Variants in MMP16 observed in about 807,000 individuals in gnomAD.
MMP16 encodes the protein matrix metallopeptidase 16, also known as matrix metalloproteinase-16.
In MMP16, 12 loss-of-function variants were observed where a neutral mutation model predicts 67.8. The ratio of observed to expected loss-of-function variants is 0.18; its 90% confidence interval spans 0.11 to 0.29. The LOEUF is 0.29. Ranked by LOEUF, MMP16 falls within the 10% of genes least tolerant of loss-of-function variation. The pLI, the probability that MMP16 is intolerant of heterozygous loss-of-function variation, is 1.00. For synonymous variants in MMP16, 249 were observed against 255.9 expected (o/e 0.97, Z 0.26); for missense variants, 475 against 765.7 (o/e 0.62, Z 4.48).
chr8:88,210,574 A>G (rs2129816761), intron 1 of MMP16, among the ~76,000 whole-genome samples: 1 of 152,272 alleles, frequency 6.6e-6, no homozygotes, highest in East Asian at 1.9e-4. Flanking sequence ...CCCAGTAGGA[A>G]GTCCAGTGCT....
intron 1 of MMP16, among the ~76,000 whole-genome samples, chr8:88,314,176 T>C (rs1476159261): frequency 6.6e-6 from 1 of 152,216 alleles, no homozygotes; most frequent in Non-Finnish European, 1.5e-5. Flanking sequence ...TAATGTGTAA[T>C]CTGCTGTTAA....
At chr8:88,116,149 T>C (rs1050446483) in intron 6 of MMP16, among the ~76,000 whole-genome samples, 3 of 152,040 alleles carry the variant, frequency 2.0e-5, no homozygotes, top group African/African-American at 4.8e-5. Flanking sequence ...AAAGATACAA[T>C]AGCTGCAGTA....
In MMP16 at chr8:88,039,983, T is replaced by C. The variant is rs551006497; in HGVS notation, c.*1478A>G. The C allele has an allele frequency of 2.6e-5, 4 of 152,724 alleles. No individual in the cohort carries two copies. Among genetic ancestry groups the C allele is most frequent in the Admixed American group, 6.5e-5 (1 of 15,282 alleles). The allele number at this position is 152,724 out of a possible 1,614,324, so 9.5% of individuals were successfully genotyped here. A position where few individuals can be genotyped will look rare whatever the true frequency, so the allele number is the denominator to read the frequency against. On this transcript the variant is annotated 3_prime_UTR_variant, in exon 10 of 10. Transcript: ENST00000286614. This position sits in a 1 kb window ranked among gnomAD's most constrained non-coding sequence, Gnocchi z 4.5. Reference sequence around the variant, plus strand: ...AGCCACACTAACCCTTTGAGAACTATGGTGGACATGCAATAGGTAATGCAC... The same window carrying C: ...AGCCACACTAACCCTTTGAGAACTACGGTGGACATGCAATAGGTAATGCAC...
intron 2 of MMP16, among the ~76,000 whole-genome samples, chr8:88,188,323 C>A (rs1374949780): frequency 6.6e-6 from 1 of 152,032 alleles, no homozygotes; most frequent in Non-Finnish European, 1.5e-5. Context: ...CTTATCTTTA[C>A]TTATCTCATT....
intron 1 of MMP16, among the ~76,000 whole-genome samples, chr8:88,308,657 C>T (rs1374740578): frequency 6.6e-6 from 1 of 151,944 alleles, no homozygotes; most frequent in Non-Finnish European, 1.5e-5. Flanking sequence ...AAAGTATTTT[C>T]TGTATATCAA....
At chr8:88,280,151 T>C (rs1220802748) in intron 1 of MMP16, among the ~76,000 whole-genome samples, 1 of 152,226 alleles carries the variant, frequency 6.6e-6, no homozygotes, top group East Asian at 1.9e-4. Flanking sequence ...CTGTTTTAAG[T>C]GGCAAAATTT....
intron 7 of MMP16, among the ~76,000 whole-genome samples, chr8:88,056,622 T>C (rs1808336537): frequency 6.6e-6 from 1 of 152,046 alleles, no homozygotes; most frequent in Admixed American, 6.6e-5. Flanking sequence ...GAATTAGAGG[T>C]CCTACGTCTT....
intron 1 of MMP16, among the ~76,000 whole-genome samples, chr8:88,309,989 G>A (rs1015957868): frequency 3.9e-5 from 6 of 152,038 alleles, no homozygotes; most frequent in Non-Finnish European, 7.4e-5. Context: ...CCTCATCCAC[G>A]TAGCTCAAAG....
chr8:88,237,920 G>C (rs1404715432), intron 1 of MMP16, among the ~76,000 whole-genome samples: 4 of 152,128 alleles, frequency 2.6e-5, no homozygotes, highest in African/African-American at 9.7e-5. Context: ...GCACATGAAA[G>C]ACTATCCCTA....
At chr8:88,296,729 C>T (rs1462970185) in intron 1 of MMP16, among the ~76,000 whole-genome samples, 6 of 151,246 alleles carry the variant, frequency 4.0e-5, no homozygotes, top group African/African-American at 7.3e-5. Flanking sequence ...CCTGTCATCC[C>T]GGCTACTCAG....
At chr8:88,317,200 G>A (rs1002277190) in intron 1 of MMP16, among the ~76,000 whole-genome samples, 1 of 152,160 alleles carries the variant, frequency 6.6e-6, no homozygotes, top group African/African-American at 2.4e-5. Context: ...TCTACTGTGG[G>A]TAAAAATACT....
Position 88,186,438 on chromosome 8 carries a change from T to C in MMP16, c.404+38A>G, listed in dbSNP as rs28907578. 4 of 1,609,786 alleles carry C rather than the reference T, an allele frequency of 2.5e-6. No individual in the cohort carries two copies. In the Admixed American group the frequency reaches 5.0e-5, roughly 20 times the overall value. ...TGTGTCAAAACAAATAGTAATGAAATATGGGGAAAAGGGGAGATTAATCGT... is the reference window on the plus strand; with the variant it reads ...TGTGTCAAAACAAATAGTAATGAAACATGGGGAAAAGGGGAGATTAATCGT... On this transcript the variant is annotated intron_variant, in intron 3 of 9. Transcript: ENST00000286614.
At position 88,239,708 on chromosome 8, in the gene MMP16, T is replaced by C. The variant is rs932162244; in HGVS notation, c.133-42402A>G. Among the ~76,000 whole-genome samples the C allele has an allele frequency of 7.2e-5, 11 of 152,316 alleles. 1 individual carries two copies. The South Asian group carries it at 2.3e-3, about 32-fold the overall frequency. On this transcript the variant is annotated intron_variant, in intron 1 of 9. Coordinates refer to ENST00000286614, the MANE Select transcript of MMP16 (RefSeq NM_005941.5). ...CTTGTGATGAGGAGGATAAATCAGATAATGACATAACATGAATGCTTTTGG... is the reference window on the plus strand; with the variant it reads ...CTTGTGATGAGGAGGATAAATCAGACAATGACATAACATGAATGCTTTTGG...
At chr8:88,210,002 C>G (rs1055240222) in intron 1 of MMP16, among the ~76,000 whole-genome samples, 5 of 151,990 alleles carry the variant, frequency 3.3e-5, no homozygotes, top group African/African-American at 1.2e-4. Flanking sequence ...TAAAACAGAC[C>G]TCAGAGAGCT....
At chr8:88,074,872 G>T (rs2118283170) in intron 6 of MMP16, 129 bp from the exon 7 acceptor site, 1 of 1,214,290 alleles carries the variant, frequency 8.2e-7, no homozygotes, top group South Asian at 1.6e-5. Flanking sequence ...ATCAGTCAGA[G>T]AAAGAGCTAA....
At chr8:88,084,525 T>C (rs756088390) in intron 6 of MMP16, among the ~76,000 whole-genome samples, 57 of 151,754 alleles carry the variant, frequency 3.8e-4, no homozygotes, top group Non-Finnish European at 1.6e-4. Context: ...TAAAAAGACA[T>C]AGTCAAAAGC....
At chr8:88,106,609 C>A (rs997782988) in intron 6 of MMP16, among the ~76,000 whole-genome samples, 5 of 150,994 alleles carry the variant, frequency 3.3e-5, no homozygotes, top group African/African-American at 1.2e-4. Flanking sequence ...GCTAGTTCCC[C>A]ACATTTTCAC....
At chr8:88,076,279 A>C (rs528010522) in intron 6 of MMP16, among the ~76,000 whole-genome samples, 1 of 152,310 alleles carries the variant, frequency 6.6e-6, no homozygotes, top group South Asian at 2.1e-4. Flanking sequence ...ATTACTGTAT[A>C]AGATACAAAG....
chr8:88,149,616 G>C (rs369834268), intron 4 of MMP16, among the ~76,000 whole-genome samples: 1 of 151,538 alleles, frequency 6.6e-6, no homozygotes, highest in Non-Finnish European at 1.5e-5. Context: ...CACCTCACAC[G>C]GCAGGGTATT....
Sources: gnomAD v4.1 joint callset for allele counts (sites outside exome capture counted in the v4.1 genomes callset) on GRCh38, gnomAD v4.1.1 for gene constraint, Gnocchi (gnomAD v3.1) non-coding constraint, MANE v1.5 for transcripts, NCBI Gene and HGNC (gene_info 2026-07-23, HGNC 2026-07-21) for gene names.